Variants in ATP1A4 observed in about 807,000 individuals in gnomAD.
The protein encoded by ATP1A4 is sodium/potassium-transporting ATPase subunit alpha-4.
A neutral mutation model predicts 114.3 loss-of-function variants in ATP1A4; 90 were observed. The ratio of observed to expected loss-of-function variants is 0.79; its 90% CI spans 0.66 to 0.94. The LOEUF (loss-of-function observed/expected upper bound fraction) is 0.94. Ranked by LOEUF, ATP1A4 falls within the 40% of genes least tolerant of loss-of-function variation. The pLI, the probability that ATP1A4 is intolerant of heterozygous loss-of-function variation, is 0.00. For synonymous variants in ATP1A4, 511 were observed against 494.1 expected, an observed-to-expected ratio of 1.03 and a Z score of -0.45; for missense variants, 1,222 against 1,313.6, an observed-to-expected ratio of 0.93 and a Z score of 1.08.
chr1:160,168,434 G>A (rs1176973922), intron 10 of ATP1A4, among the ~76,000 whole-genome samples: 1 of 143,258 alleles, frequency 7.0e-6, no homozygotes, highest in East Asian at 2.1e-4. Context: ...CCAGGCTGGA[G>A]TGCAATGGCG....
chr1:160,171,228 A>T, intron 10 of ATP1A4, 23 bp from the exon 11 acceptor site: 1 of 1,598,634 alleles, frequency 6.3e-7, no homozygotes, highest in Non-Finnish European at 8.6e-7. Context: ...CTGTCCCATC[A>T]GTGCTCCCTT....
rs1426611943 is a variant in ATP1A4 at position 160,166,927 on chromosome 1, T to A, written c.1247-41T>A. 9.4e-6 allele frequency: 15 copies of A among 1,598,500 alleles called. No homozygotes were observed. In the South Asian group the frequency reaches 1.5e-4, roughly 16 times the overall value. ...ATGTGAATAACCGCTTGCTTAAAAT[T>A]CTCATTCCCTGCTCACAATTCTTCT... On this transcript the variant is annotated intron_variant, in intron 8 of 21. Coordinates refer to ENST00000368081, the MANE Select transcript of ATP1A4 (RefSeq NM_144699.4).
chr1:160,173,737 C>T lies in ATP1A4; in HGVS notation c.1991+20C>T, dbSNP rs752621994. ...TGCCAGGTGAGATCACTAAAGAACTCAAGATCTGCCATGTTCCCTCCATCC... is the reference window on the plus strand; with the variant it reads ...TGCCAGGTGAGATCACTAAAGAACTTAAGATCTGCCATGTTCCCTCCATCC... On this transcript the variant is annotated intron_variant, in intron 13 of 21. Transcript: ENST00000368081. 1 of 1,611,342 alleles carries T rather than the reference C, an allele frequency of 6.2e-7. No homozygotes were observed. The highest frequency in any genetic ancestry group is 8.5e-7 in the Non-Finnish European group (1 of 1,178,234).
At chr1:160,183,657 G>A (rs1653784371) in intron 20 of ATP1A4, among the ~76,000 whole-genome samples, 1 of 152,182 alleles carries the variant, frequency 6.6e-6, no homozygotes, top group Non-Finnish European at 1.5e-5. Context: ...CATGGCCTAG[G>A]CTTGTACTGT....
rs1262690691 is a variant in ATP1A4 at position 160,186,770 on chromosome 1, G to A, written c.*71G>A. 24 of 1,480,660 alleles carry A rather than the reference G, an allele frequency of 1.6e-5. No homozygotes were observed. Among genetic ancestry groups the A allele is most frequent in the South Asian group, 9.5e-5 (8 of 83,886 alleles). The allele number at this position is 1,480,660 out of a possible 1,614,324, so 91.7% of individuals were successfully genotyped here. ...GCTGGGATGGGGCCAGAGATTATAA[G>A]TTTGACACAACATCTGAGACACTAG... On this transcript the variant is annotated 3_prime_UTR_variant, in exon 22 of 22. Coordinates refer to ENST00000368081, the MANE Select transcript of ATP1A4 (RefSeq NM_144699.4).
chr1:160,180,489 C>T (rs1488531442), intron 18 of ATP1A4, among the ~76,000 whole-genome samples: 1 of 152,192 alleles, frequency 6.6e-6, no homozygotes, highest in East Asian at 1.9e-4. Context: ...CTGTCTATTG[C>T]GCTGACATGG....
rs1558018020 is a variant in ATP1A4 at position 160,159,143 on chromosome 1, G to A, written c.660+7G>A. On this transcript the variant is annotated splice_region_variant and intron_variant, in intron 5 of 21. Coordinates refer to ENST00000368081, the MANE Select transcript of ATP1A4 (RefSeq NM_144699.4). Reference sequence around the variant, plus strand: ...CTCTGCACAAGGATGTAAGGTGAGGGGATGCCGAAAGCTATGTGAGGGACC... The same window carrying A: ...CTCTGCACAAGGATGTAAGGTGAGGAGATGCCGAAAGCTATGTGAGGGACC... The A allele has an allele frequency of 6.2e-7, 1 of 1,612,936 alleles. No homozygotes were observed. Among genetic ancestry groups the A allele is most frequent in the Admixed American group, 1.7e-5 (1 of 59,934 alleles).
chr1:160,152,769 G>A (rs1342632851), intron 1 of ATP1A4, among the ~76,000 whole-genome samples: 1 of 152,126 alleles, frequency 6.6e-6, no homozygotes, highest in East Asian at 1.9e-4. Flanking sequence ...GGGCGTGGTG[G>A]CTCACACCTG....
chr1:160,184,400 A>G (rs1249746310), intron 20 of ATP1A4, among the ~76,000 whole-genome samples: 1 of 152,100 alleles, frequency 6.6e-6, no homozygotes, highest in East Asian at 1.9e-4. Flanking sequence ...TTTAAAACTT[A>G]GCCAGGTGTA....
At chr1:160,186,195 C>A (rs1445769445) in intron 20 of ATP1A4, 81 bp from the exon 21 acceptor site, 14 of 913,840 alleles carry the variant, frequency 1.5e-5, no homozygotes, top group South Asian at 9.0e-5. Context: ...ATGAAACGTG[C>A]AATTCCTGTG....
chr1:160,160,663 G>T (rs1477365193), intron 6 of ATP1A4, among the ~76,000 whole-genome samples: 1 of 152,072 alleles, frequency 6.6e-6, no homozygotes, highest in African/African-American at 2.4e-5. Flanking sequence ...ATATCCAAGA[G>T]TACAACTCAA....
At position 160,171,394 on chromosome 1, in the gene ATP1A4, C is replaced by G; in HGVS notation, c.1635C>G (p.Phe545Leu). The G allele has an allele frequency of 6.2e-7, 1 of 1,614,158 alleles. No individual in the cohort carries two copies. The highest frequency in any genetic ancestry group is 1.7e-5 in the Admixed American group (1 of 60,014). ...TGAACGATGAAATGAAGGAAGCCTT[C>G]CAAAATGCCTACTTAGAACTGGGAG... ...YSMNDEMKEA[F>L]QNAYLELGGL... The change falls in exon 11 of 22, where the codon TTC (phenylalanine) becomes TTG (leucine). Residue 545 changes from phenylalanine to leucine, a missense_variant. Physicochemically the swap from Phe to Leu is conservative, Grantham distance 22 (BLOSUM62 0). Transcript: ENST00000368081.
chr1:160,165,798 C>T (rs915492125), intron 7 of ATP1A4, among the ~76,000 whole-genome samples: 3 of 152,110 alleles, frequency 2.0e-5, no homozygotes, highest in South Asian at 2.1e-4. Context: ...CATCTTATAC[C>T]ACCATAAAAG....
intron 15 of ATP1A4, among the ~76,000 whole-genome samples, chr1:160,175,762 T>C (rs1327387488): frequency 1.3e-5 from 2 of 152,176 alleles, no homozygotes; most frequent in African/African-American, 4.8e-5. Flanking sequence ...TCCCAAGCCC[T>C]GGCTGTTTCC....
chr1:160,159,616 G>A, intron 6 of ATP1A4, 90 bp downstream of exon 6: 1 of 1,176,470 alleles, frequency 8.5e-7, no homozygotes, highest in Non-Finnish European at 1.2e-6. Flanking sequence ...TAGCGAGGTA[G>A]GTAAGAGCCA....
At chr1:160,182,667 A>C (rs1653747486) in intron 20 of ATP1A4, 1 of 152,288 alleles carries the variant, frequency 6.6e-6, no homozygotes, top group African/African-American at 2.4e-5. Flanking sequence ...ACATTTCTTT[A>C]TTTTATTTTA....
chr1:160,159,653 A>G, intron 6 of ATP1A4, 127 bp downstream of exon 6: 1 of 754,970 alleles, frequency 1.3e-6, no homozygotes. Flanking sequence ...CTCCATCACG[A>G]GCTGTATGAC....
At chr1:160,166,845 G>T in intron 8 of ATP1A4, 119 bp downstream of exon 8, 1 of 1,511,496 alleles carries the variant, frequency 6.6e-7, no homozygotes, top group East Asian at 2.3e-5. Flanking sequence ...GTGGAGAAGA[G>T]GGAGGTGTGA....
intron 14 of ATP1A4, 25 bp downstream of exon 14, chr1:160,174,286 G>A (rs1367425657): frequency 6.2e-7 from 1 of 1,613,804 alleles, no homozygotes; most frequent in Admixed American, 1.7e-5. Flanking sequence ...GGAGCCCCAA[G>A]GAAACTGGCA....
Sources: allele counts gnomAD v4.1 joint callset (sites outside exome capture counted in the v4.1 genomes callset), GRCh38; gene constraint gnomAD v4.1.1; transcripts MANE v1.5; gene names NCBI Gene and HGNC (gene_info 2026-07-23, HGNC 2026-07-21).